Variants in COG6 observed in about 807,000 individuals in gnomAD.
COG6 encodes component of oligomeric golgi complex 6, also known as conserved oligomeric Golgi complex subunit 6.
COG6 carries 74 observed loss-of-function variants against 88.8 expected under a neutral mutation model. The observed-to-expected ratio is 0.83, with a 90% confidence interval of 0.69 to 1.01. The LOEUF is 1.01. Ranked by LOEUF, COG6 falls within the 50% of genes least tolerant of loss-of-function variation. COG6 has a pLI of 0.00. For missense variants in COG6, 800 were observed against 797.9 expected (o/e 1.00, Z -0.03); for synonymous variants, 286 against 278.7 (o/e 1.03, Z -0.26).
At chr13:39,669,136 G>T (rs1372811058) in intron 4 of COG6, among the ~76,000 whole-genome samples, 1 of 152,210 alleles carries the variant, frequency 6.6e-6, no homozygotes, top group Non-Finnish European at 1.5e-5. Context: ...AGCCAGCTCT[G>T]TGAGGAAAGG....
chr13:39,680,042 C>CA lies in COG6; in HGVS notation c.694dup (p.Ser232LysfsTer2). The CA allele has an allele frequency of 6.4e-7, 1 of 1,562,686 alleles. No homozygotes were observed. Among genetic ancestry groups the CA allele is most frequent in the Non-Finnish European group, 8.8e-7 (1 of 1,135,344 alleles). ...TTATGAAAGACTTTACCGATGGGCT[C>CA]AAAGTAAGTGATTTCTTTTATGTTG... On this transcript the variant is annotated frameshift_variant, in exon 7 of 19. Coordinates refer to ENST00000455146, the MANE Select transcript of COG6 (RefSeq NM_020751.3). LOFTEE classifies it high-confidence loss of function.
intron 7 of COG6, 105 bp downstream of exon 7, chr13:39,680,150 A>G (rs899661337): frequency 1.6e-6 from 1 of 628,148 alleles, no homozygotes; most frequent in Non-Finnish European, 2.8e-6. Context: ...GTAATCAAAC[A>G]TTTTTTAAAA....
At chr13:39,670,155 A>C (rs997700144) in intron 4 of COG6, among the ~76,000 whole-genome samples, 1 of 152,142 alleles carries the variant, frequency 6.6e-6, no homozygotes, top group African/African-American at 2.4e-5. Context: ...GATAAAGCTT[A>C]ATGTAGAATT....
chr13:39,731,958 G>A (rs1879476914), intron 18 of COG6, among the ~76,000 whole-genome samples: 1 of 152,144 alleles, frequency 6.6e-6, no homozygotes. Flanking sequence ...GAATTCTTAT[G>A]TCAAAGGAAG....
rs567082540 is a variant in COG6, at chr13:39,710,468, G to A, written c.1285-8768G>A. On this transcript the variant is annotated intron_variant, in intron 13 of 18. Coordinates refer to ENST00000455146, the MANE Select transcript of COG6 (RefSeq NM_020751.3). ...GTATGGAGAATGGAAAGTGGGTATGGAGGAGCAAATTTGGAAGAAAGGAGA... is the reference window on the plus strand; with the variant it reads ...GTATGGAGAATGGAAAGTGGGTATGAAGGAGCAAATTTGGAAGAAAGGAGA... Among the ~76,000 whole-genome samples, 10 of 152,202 alleles carry A rather than the reference G, an allele frequency of 6.6e-5. No homozygotes were observed. In the East Asian group the frequency reaches 1.7e-3, roughly 26 times the overall value.
chr13:39,676,909 T>G (rs189874951), intron 4 of COG6, among the ~76,000 whole-genome samples: 748 of 152,244 alleles, frequency 4.9e-3, no homozygotes, highest in Non-Finnish European at 8.3e-3. Context: ...TTTAAAAGGT[T>G]GTTTTTATTA....
chr13:39,731,430 C>G (rs1879447308), intron 18 of COG6, among the ~76,000 whole-genome samples: 1 of 152,138 alleles, frequency 6.6e-6, no homozygotes, highest in Non-Finnish European at 1.5e-5. Flanking sequence ...TTTGAAGCTT[C>G]TTGTTCTATT....
Position 39,719,300 on chromosome 13 carries a change from G to A in COG6, c.1349G>A (p.Arg450His), listed in dbSNP as rs749171733. 31 of 1,612,660 alleles carry A rather than the reference G, an allele frequency of 1.9e-5. No homozygotes were observed. The highest frequency in any genetic ancestry group is 1.6e-4 in the Middle Eastern group (1 of 6,072). The stretch of plus-strand genomic sequence containing the variant: ...CTAAATCAGACACTCATGTTGCTGC[G>A]TGAAGTTTTAGCATCTCACGATTCT... ...SALNQTLMLL[R>H]EVLASHDSSV... The change falls in exon 14 of 19, where the codon CGT becomes CAT. Residue 450 changes from arginine to histidine, a missense_variant. Physicochemically the swap from Arg to His is conservative, Grantham distance 29. Transcript: ENST00000455146.
intron 5 of COG6, chr13:39,678,083 T>C: frequency 2.2e-6 from 1 of 449,964 alleles, no homozygotes; most frequent in Non-Finnish European, 4.4e-6. Flanking sequence ...TCCTTTTTTT[T>C]TGAGACAGGG....
At chr13:39,668,884 A>C (rs533660689) in intron 4 of COG6, among the ~76,000 whole-genome samples, 1 of 152,136 alleles carries the variant, frequency 6.6e-6, no homozygotes, top group Non-Finnish European at 1.5e-5. Flanking sequence ...GAACTATAGT[A>C]TGGTACCACA....
chr13:39,719,983 C>T (rs562660617), intron 15 of COG6, among the ~76,000 whole-genome samples, 156 bp downstream of exon 15: 23 of 122,456 alleles, frequency 1.9e-4, no homozygotes, highest in East Asian at 9.6e-4. Flanking sequence ...ACACAACACA[C>T]GCACATACAC....
At chr13:39,774,570 A>C (rs970879558) in intron 18 of COG6, among the ~76,000 whole-genome samples, 9 of 151,210 alleles carry the variant, frequency 6.0e-5, no homozygotes, top group Non-Finnish European at 1.2e-4. Context: ...TTGGAAAAAA[A>C]TTTCTTTTTT....
At chr13:39,745,934 G>A (rs1437220316) in intron 18 of COG6, among the ~76,000 whole-genome samples, 1 of 152,068 alleles carries the variant, frequency 6.6e-6, no homozygotes, top group Non-Finnish European at 1.5e-5. Flanking sequence ...TCCTTTGTAG[G>A]GACATGGATA....
chr13:39,689,927 A>AT (rs1400258996), intron 11 of COG6, 103 bp downstream of exon 11: 3 of 723,264 alleles, frequency 4.1e-6, no homozygotes, highest in Non-Finnish European at 4.8e-6. Flanking sequence ...ACAATCTATA[A>AT]TTTTTTCAAA....
In COG6 at chr13:39,655,820, T is replaced by A. The variant is rs3812883; in HGVS notation, c.94T>A (p.Cys32Ser). 661,376 of 1,600,520 alleles carry A rather than the reference T, an allele frequency of 0.41. 140,288 individuals are homozygous for A. The highest frequency in any genetic ancestry group is 0.63 in the Admixed American group (36,691 of 58,482). The change falls in exon 1 of 19, where the codon TGC becomes AGC. Residue 32 changes from cysteine to serine, a missense_variant. By Grantham distance (112) the Cys-to-Ser change is moderately radical (BLOSUM62 -1). Transcript: ENST00000455146. ...NGAGGTSATTCNPLSRKLHKI... is the reference protein window; with the variant it reads ...NGAGGTSATTSNPLSRKLHKI... ...GGCAGGCGGGACCTCGGCGACGACC[T>A]GCAACCCGCTGTCGCGCAAGCTGCA...
chr13:39,703,609 C>T (rs1380634523), intron 13 of COG6, among the ~76,000 whole-genome samples: 1 of 151,912 alleles, frequency 6.6e-6, no homozygotes, highest in East Asian at 1.9e-4. Context: ...CCCTTGGGAG[C>T]ATTCCATGCT....
chr13:39,760,310 A>G (rs1376799296), intron 18 of COG6, among the ~76,000 whole-genome samples: 1 of 152,130 alleles, frequency 6.6e-6, no homozygotes, highest in East Asian at 1.9e-4. Flanking sequence ...AGAAAAATGA[A>G]TTTACCTTAG....
chr13:39,783,753 C>T (rs1386901965), intron 18 of COG6, among the ~76,000 whole-genome samples: 3 of 152,192 alleles, frequency 2.0e-5, no homozygotes, highest in Non-Finnish European at 4.4e-5. Flanking sequence ...AGTTTAATCT[C>T]AGCACACCTG....
chr13:39,692,282 T>A (rs1566182131), intron 11 of COG6, among the ~76,000 whole-genome samples: 2 of 147,906 alleles, frequency 1.4e-5, no homozygotes, highest in Admixed American at 6.7e-5. Flanking sequence ...ATATATTAAA[T>A]TTTTTTTTTA....
Sources: gnomAD v4.1 joint callset for allele counts (sites outside exome capture counted in the v4.1 genomes callset) on GRCh38, gnomAD v4.1.1 for gene constraint, MANE v1.5 for transcripts, NCBI Gene and HGNC (gene_info 2026-07-23, HGNC 2026-07-21) for gene names.